Variants in CDH13 observed in about 807,000 individuals in gnomAD.
The protein encoded by CDH13 is cadherin-13.
In CDH13, 24 loss-of-function variants were observed where a neutral mutation model predicts 63.8. That is an observed-to-expected ratio of 0.38 (90% CI 0.27 to 0.53). CDH13 has a LOEUF of 0.53. Ranked by LOEUF, CDH13 falls within the 20% of genes least tolerant of loss-of-function variation. CDH13 has a pLI of 0.85. For synonymous variants in CDH13, 503 were observed against 355.3 expected (o/e 1.42, Z -4.67); for missense variants, 1,049 against 903.1 (o/e 1.16, Z -2.07).
At chr16:82,669,140 C>T (rs1912946894) in intron 1 of CDH13, among the ~76,000 whole-genome samples, 1 of 152,154 alleles carries the variant, frequency 6.6e-6, no homozygotes, top group Admixed American at 6.5e-5. Context: ...GCAATGCTGC[C>T]CAAGTGCATG....
intron 3 of CDH13, among the ~76,000 whole-genome samples, chr16:83,039,059 C>T (rs1482596080): frequency 1.3e-5 from 2 of 152,190 alleles, no homozygotes; most frequent in African/African-American, 4.8e-5. Context: ...AATTTAGATG[C>T]CTACGGCCAG....
chr16:83,267,542 G>C (rs986380588), intron 5 of CDH13, among the ~76,000 whole-genome samples: 4 of 152,148 alleles, frequency 2.6e-5, no homozygotes, highest in African/African-American at 9.7e-5. Flanking sequence ...AAGGTGATTA[G>C]GTCATGGGGG....
At chr16:83,562,455 T>A (rs935439847) in intron 7 of CDH13, among the ~76,000 whole-genome samples, 1 of 152,250 alleles carries the variant, frequency 6.6e-6, no homozygotes, top group African/African-American at 2.4e-5. Flanking sequence ...AACACTGGGT[T>A]ACATTTGGAT....
chr16:83,108,766 C>T (rs1193732601), intron 3 of CDH13, among the ~76,000 whole-genome samples: 2 of 152,186 alleles, frequency 1.3e-5, no homozygotes, highest in Non-Finnish European at 2.9e-5. Context: ...AGGCCAGTCT[C>T]TGCATTTATT....
chr16:82,977,127 T>A (rs1909626597), intron 2 of CDH13, among the ~76,000 whole-genome samples: 1 of 152,212 alleles, frequency 6.6e-6, no homozygotes, highest in South Asian at 2.1e-4. Context: ...TCCACACCAA[T>A]GTGGCTCCTA....
At chr16:83,073,478 C>A (rs530591616) in intron 3 of CDH13, among the ~76,000 whole-genome samples, 12 of 151,858 alleles carry the variant, frequency 7.9e-5, no homozygotes, top group Non-Finnish European at 1.2e-4. Context: ...TGTTTAATAA[C>A]CTATCACAAA....
intron 6 of CDH13, among the ~76,000 whole-genome samples, chr16:83,481,502 A>G (rs750000241): frequency 6.6e-6 from 1 of 152,202 alleles, no homozygotes; most frequent in Non-Finnish European, 1.5e-5. Context: ...GCTGGCTTTC[A>G]AGGTCAAGAA....
intron 4 of CDH13, among the ~76,000 whole-genome samples, chr16:83,160,382 TG>T (rs1190225052): frequency 6.6e-6 from 1 of 152,092 alleles, no homozygotes; most frequent in African/African-American, 2.4e-5. Context: ...TTGATGAACT[TG>T]GTTTTCAAGC....
Position 83,233,685 on chromosome 16 carries a change from A to G in CDH13, c.636+16188A>G, listed in dbSNP as rs533117027. ...CTCCTTTCACACTGACATCTTTCCT[A>G]TTCTCCCATCCCCAGCCCTCTTTCC... On this transcript the variant is annotated intron_variant, in intron 5 of 13. Transcript: ENST00000567109. Among the ~76,000 whole-genome samples the G allele has an allele frequency of 3.9e-5, 6 of 152,120 alleles. No homozygotes were observed. The East Asian group carries it at 7.7e-4, about 20-fold the overall frequency.
intron 3 of CDH13, among the ~76,000 whole-genome samples, chr16:83,081,991 G>A (rs2033286853): frequency 6.6e-6 from 1 of 152,020 alleles, no homozygotes. Context: ...GTAGAGACGG[G>A]GTTTCTTCAT....
At chr16:83,004,100 T>C (rs142362177) in intron 2 of CDH13, among the ~76,000 whole-genome samples, 4 of 152,324 alleles carry the variant, frequency 2.6e-5, no homozygotes, top group African/African-American at 9.6e-5. Flanking sequence ...GGAAATTTTC[T>C]TGGGTTAATG....
intron 6 of CDH13, among the ~76,000 whole-genome samples, chr16:83,359,442 A>G (rs1384732415): frequency 6.6e-6 from 1 of 152,162 alleles, no homozygotes; most frequent in Non-Finnish European, 1.5e-5. Context: ...CAGTGGTGCT[A>G]GTTCAGGAGG....
Position 83,197,432 on chromosome 16 carries a change from AATT to A in CDH13, c.484-19906_484-19904del, listed in dbSNP as rs1283321223. Among the ~76,000 whole-genome samples, 10 of 152,256 alleles carry A rather than the reference AATT, an allele frequency of 6.6e-5. No homozygotes were observed. In the East Asian group the frequency reaches 1.9e-3, roughly 29 times the overall value. ...TTAGTTATTTTTAAATGTACAATTGAATTATTATTGACTATGGTCACCTGTTCA... is the reference window on the plus strand; with the variant it reads ...TTAGTTATTTTTAAATGTACAATTGAATTATTGACTATGGTCACCTGTTCA... On this transcript the variant is annotated intron_variant, in intron 4 of 13. Transcript: ENST00000567109.
chr16:82,703,467 A>G (rs1323367652), intron 1 of CDH13, among the ~76,000 whole-genome samples: 1 of 151,434 alleles, frequency 6.6e-6, no homozygotes, highest in Non-Finnish European at 1.5e-5. Flanking sequence ...AAATTTCCCC[A>G]CTCCCTTGCC....
intron 1 of CDH13, among the ~76,000 whole-genome samples, chr16:82,834,075 AAAGAT>A (rs1195602847): frequency 3.3e-5 from 5 of 152,222 alleles, no homozygotes; most frequent in East Asian, 1.9e-4. Flanking sequence ...TCTGCTTTCA[AAAGAT>A]AAGATATGAT....
intron 2 of CDH13, among the ~76,000 whole-genome samples, chr16:82,922,279 G>A (rs1401146388): frequency 2.6e-5 from 4 of 152,024 alleles, no homozygotes; most frequent in African/African-American, 9.7e-5. Context: ...GAAGCCATTG[G>A]CAAATTAAAT....
chr16:83,622,048 A>T (rs756422176), intron 8 of CDH13, among the ~76,000 whole-genome samples: 5 of 151,934 alleles, frequency 3.3e-5, no homozygotes, highest in Admixed American at 1.3e-4. Flanking sequence ...AAGAATAGAT[A>T]AAAAAATTCA....
At chr16:83,671,005 A>G (rs1292700898) in intron 9 of CDH13, 33 bp downstream of exon 9, 5 of 1,533,196 alleles carry the variant, frequency 3.3e-6, no homozygotes, top group South Asian at 1.3e-5. Flanking sequence ...CTTTCTCCTC[A>G]TGCGAGCACG....
intron 5 of CDH13, among the ~76,000 whole-genome samples, chr16:83,270,511 A>G (rs1271376314): frequency 6.6e-6 from 1 of 152,220 alleles, no homozygotes. Context: ...AGAGAGCATC[A>G]ATTATCAATG....
Sources: allele counts gnomAD v4.1 joint callset (sites outside exome capture counted in the v4.1 genomes callset), GRCh38; gene constraint gnomAD v4.1.1; transcripts MANE v1.5; gene names NCBI Gene and HGNC (gene_info 2026-07-23, HGNC 2026-07-21).